Variants in TNS1 observed in about 807,000 individuals in gnomAD.
TNS1 encodes tensin-1.
Under a neutral mutation model 168.6 loss-of-function variants are expected in TNS1, and 62 were observed. That is an observed-to-expected ratio of 0.37 (90% CI 0.30 to 0.45). TNS1 has a LOEUF of 0.45. Ranked by LOEUF, TNS1 falls within the 20% of genes least tolerant of loss-of-function variation. TNS1 has a pLI of 1.00. For missense variants in TNS1, 2,240 were observed against 2,339.4 expected, an observed-to-expected ratio of 0.96 and a Z score of 0.88; for synonymous variants, 934 against 933.2, an observed-to-expected ratio of 1.00 and a Z score of -0.02.
intron 7 of TNS1, among the ~76,000 whole-genome samples, chr2:217,899,098 C>T (rs955394589): frequency 1.3e-5 from 2 of 152,194 alleles, no homozygotes; most frequent in Non-Finnish European, 2.9e-5. Flanking sequence ...TGGCACTAGA[C>T]AGAACAAGCC....
intron 3 of TNS1, among the ~76,000 whole-genome samples, chr2:217,923,070 A>G (rs1955816941): frequency 6.6e-6 from 1 of 152,094 alleles, no homozygotes. Context: ...TCTATGGCCC[A>G]TGCCCTGTGG....
chr2:217,872,868 T>G (rs968265823), intron 18 of TNS1, among the ~76,000 whole-genome samples: 1 of 152,142 alleles, frequency 6.6e-6, no homozygotes, highest in Non-Finnish European at 1.5e-5. Flanking sequence ...GCAACAAAAA[T>G]GAATAAAATA....
intron 3 of TNS1, among the ~76,000 whole-genome samples, chr2:217,971,585 A>G (rs1284496987): frequency 6.6e-6 from 1 of 152,330 alleles, no homozygotes; most frequent in African/African-American, 2.4e-5. Flanking sequence ...TCGGATAAAT[A>G]TCTTGGAGTG....
intron 22 of TNS1, among the ~76,000 whole-genome samples, chr2:217,827,460 C>T (rs1452115870): frequency 6.6e-6 from 1 of 152,132 alleles, no homozygotes; most frequent in Non-Finnish European, 1.5e-5. Context: ...GCACATGAGT[C>T]AGGAAATAAG....
chr2:217,939,648 G>A (rs922477191), intron 3 of TNS1, among the ~76,000 whole-genome samples: 1 of 151,956 alleles, frequency 6.6e-6, no homozygotes, highest in African/African-American at 2.4e-5. Context: ...TGTGACCCCT[G>A]ACCCCCATCA....
At chr2:217,909,878 C>T (rs1488422896) in intron 4 of TNS1, among the ~76,000 whole-genome samples, 1 of 152,212 alleles carries the variant, frequency 6.6e-6, no homozygotes, top group African/African-American at 2.4e-5. Flanking sequence ...CTTGTCCTTC[C>T]TGCTCCTCAA....
intron 6 of TNS1, chr2:217,903,640 AT>A (rs745621156): frequency 1.6e-5 from 25 of 1,526,676 alleles, no homozygotes; most frequent in Non-Finnish European, 2.1e-5. Flanking sequence ...AAAGGGCACC[AT>A]GAAAGGAAAT....
intron 21 of TNS1, among the ~76,000 whole-genome samples, chr2:217,834,785 C>T (rs1022379689): frequency 3.9e-5 from 6 of 152,122 alleles, no homozygotes; most frequent in Non-Finnish European, 7.3e-5. Flanking sequence ...TGAGTGTGGA[C>T]GGTAAAAAGA....
At position 217,813,578 on chromosome 2, in the gene TNS1, A is replaced by C; in HGVS notation, c.4861+107T>G. On this transcript the variant is annotated intron_variant, in intron 26 of 32. Coordinates refer to ENST00000682258, the MANE Select transcript of TNS1 (RefSeq NM_001387777.1). This position sits in a 1 kb window ranked among gnomAD's most constrained non-coding sequence, Gnocchi z 4.0. ...AAGACACCCTCTTCCGAAGAGCCTG[A>C]TGGGAGTTAAGGTCCTGCCCAGCAC... 2.0e-6 allele frequency: 3 copies of C among 1,468,832 alleles called. No homozygotes were observed. Among genetic ancestry groups the C allele is most frequent in the Non-Finnish European group, 2.7e-6 (3 of 1,091,840 alleles). The allele number at this position is 1,468,832 out of a possible 1,614,324, so 91.0% of individuals were successfully genotyped here.
Position 217,835,136 on chromosome 2 carries a change from C to G in TNS1, c.3235G>C (p.Glu1079Gln). The G allele has an allele frequency of 6.3e-7, 1 of 1,591,488 alleles. No individual in the cohort carries two copies. The highest frequency in any genetic ancestry group is 8.5e-7 in the Non-Finnish European group (1 of 1,172,076). ...PHLHSYKEAF[E>Q]EMEGTSPSSP... ...CTCGGGGAGGTTCCCTCCATCTCCT[C>G]GAAGGCCTCCTTGTAGCTGTGCAAA... The change falls in exon 21 of 33, where the codon GAG becomes CAG. Residue 1079 changes from glutamate to glutamine, a missense_variant. Glu to Gln is a conservative substitution (Grantham distance 29, BLOSUM62 2). Transcript: ENST00000682258.
upstream of TNS1, among the ~76,000 whole-genome samples, chr2:218,012,283 G>A (rs1958713432): frequency 6.6e-6 from 1 of 152,206 alleles, no homozygotes; most frequent in African/African-American, 2.4e-5. Context: ...AGACAATATT[G>A]GCTAAAGTGT....
intron 3 of TNS1, among the ~76,000 whole-genome samples, chr2:217,940,021 T>C (rs772423128): frequency 5.9e-5 from 9 of 152,228 alleles, no homozygotes; most frequent in Non-Finnish European, 1.3e-4. Flanking sequence ...CCTTGCATAA[T>C]GGAAGTGTCA....
At position 217,995,007 on chromosome 2, in the gene TNS1, TAG is replaced by T. The variant is rs1214234472; in HGVS notation, c.34-3953_34-3952del. Among the ~76,000 whole-genome samples, 1 of 151,824 alleles carries T rather than the reference TAG, an allele frequency of 6.6e-6. No individual in the cohort carries two copies. Among genetic ancestry groups the T allele is most frequent in the African/African-American group, 2.4e-5 (1 of 41,292 alleles). On this transcript the variant is annotated intron_variant, in intron 1 of 32. Coordinates refer to ENST00000682258, the MANE Select transcript of TNS1 (RefSeq NM_001387777.1). The surrounding 1 kb of genome is among the most constrained non-coding windows in gnomAD (Gnocchi z 4.1). ...GAGTTTGGACCAGACAGTCTGAGTG[TAG>T]AGAGAGGGGGAAATGACACAACATT...
upstream of TNS1, among the ~76,000 whole-genome samples, chr2:218,006,843 G>A (rs958329022): frequency 2.0e-5 from 3 of 152,082 alleles, no homozygotes; most frequent in Admixed American, 2.0e-4. Context: ...CCACTCTGAA[G>A]GTCCAAGCGA....
intron 1 of TNS1, among the ~76,000 whole-genome samples, chr2:217,998,461 A>G (rs1417460107): frequency 6.6e-6 from 1 of 152,134 alleles, no homozygotes; most frequent in Non-Finnish European, 1.5e-5. Context: ...TCCTCGTTTA[A>G]TCCTCACAAT....
chr2:218,029,803 T>C (rs915799474), intron 1 of TNS1, among the ~76,000 whole-genome samples: 2 of 152,228 alleles, frequency 1.3e-5, no homozygotes, highest in African/African-American at 4.8e-5. Context: ...GAGCTGTCAC[T>C]GTTCTGTTTC....
rs775327512 is a variant in TNS1 at position 217,847,594 on chromosome 2, G to T, written c.2923C>A (p.Pro975Thr). The change falls in exon 19 of 33, where the codon CCA becomes ACA. Residue 975 changes from proline (P) to threonine (T), a missense_variant. Coordinates refer to ENST00000682258, the MANE Select transcript of TNS1 (RefSeq NM_001387777.1). The stretch of plus-strand genomic sequence containing the variant: ...GAGGGGTCTGAAGTCGCTTCCTTTG[G>T]TGAGAGCAGAGGCTGAGCAGTGAGG... ...PGLTAQPLLS[P>T]KEATSDPSRT... 4 of 1,528,090 alleles carry T rather than the reference G, an allele frequency of 2.6e-6. No individual in the cohort carries two copies. Among genetic ancestry groups the T allele is most frequent in the Non-Finnish European group, 3.5e-6 (4 of 1,130,118 alleles). The allele number at this position is 1,528,090 out of a possible 1,614,324, so 94.7% of individuals were successfully genotyped here.
At chr2:217,954,651 T>G (rs1957316990) in intron 3 of TNS1, among the ~76,000 whole-genome samples, 4 of 152,130 alleles carry the variant, frequency 2.6e-5, no homozygotes, top group African/African-American at 7.2e-5. Flanking sequence ...GAGAGTCCAG[T>G]GCCAACTCCA....
chr2:217,843,307 G>T (rs953418379), intron 19 of TNS1, among the ~76,000 whole-genome samples: 6 of 151,938 alleles, frequency 3.9e-5, no homozygotes, highest in Non-Finnish European at 8.8e-5. Context: ...CCTCCTTAGA[G>T]ACCTTATTCT....
Sources: allele counts gnomAD v4.1 joint callset (sites outside exome capture counted in the v4.1 genomes callset), GRCh38; gene constraint gnomAD v4.1.1; non-coding constraint Gnocchi (gnomAD v3.1); transcripts MANE v1.5; gene names NCBI Gene and HGNC (gene_info 2026-07-23, HGNC 2026-07-21).